Variants in STRN observed in about 807,000 individuals in gnomAD.
STRN encodes the protein protein phosphatase 2 regulatory subunit B'''alpha.
STRN carries 53 observed loss-of-function variants against 96.3 expected under a neutral mutation model. The ratio of observed to expected loss-of-function variants is 0.55; its 90% CI spans 0.44 to 0.69. STRN has a LOEUF of 0.69. Among genes scored for constraint, STRN ranks in the 30% least tolerant of loss-of-function variants. The pLI, the probability that STRN is intolerant of heterozygous loss-of-function variation, is 0.00. For missense variants in STRN, 987 were observed against 963.9 expected (o/e 1.02, Z -0.32); for synonymous variants, 428 against 355.9 (o/e 1.20, Z -2.28).
chr2:36,857,799 T>G (rs1376568587), intron 14 of STRN, 57 bp downstream of exon 14: 3 of 1,405,138 alleles, frequency 2.1e-6, no homozygotes, highest in Non-Finnish European at 2.9e-6. Flanking sequence ...GCTTGCTTAT[T>G]TTCAGAATAA....
intron 1 of STRN, 151 bp downstream of exon 1, chr2:36,966,079 A>C (rs1003061454): frequency 2.3e-6 from 2 of 866,052 alleles, no homozygotes; most frequent in Non-Finnish European, 3.2e-6. Flanking sequence ...CAAAAGGCGA[A>C]GAGAAGAAGG....
intron 1 of STRN, among the ~76,000 whole-genome samples, chr2:36,938,273 A>C (rs1285395440): frequency 1.3e-5 from 2 of 152,058 alleles, no homozygotes; most frequent in African/African-American, 4.8e-5. Context: ...TAAAAGCACA[A>C]AAATTAGCCA....
intron 5 of STRN, among the ~76,000 whole-genome samples, chr2:36,902,060 G>A (rs952387445): frequency 6.6e-6 from 1 of 152,056 alleles, no homozygotes; most frequent in Non-Finnish European, 1.5e-5. Flanking sequence ...GTAATTGTAT[G>A]ATACATAATC....
Position 36,840,963 on chromosome 2 carries a change from G to C in STRN, c.*8493C>G, listed in dbSNP as rs1177886782. Reference sequence around the variant, plus strand: ...GAAAATCACAGGAAAGAAAACTTTTGTGTATTTATTAGCAGAGGCAAGCTA... The same window carrying C: ...GAAAATCACAGGAAAGAAAACTTTTCTGTATTTATTAGCAGAGGCAAGCTA... On this transcript the variant is annotated 3_prime_UTR_variant, in exon 18 of 18. Transcript: ENST00000263918. 1 of 152,078 alleles carries C rather than the reference G, an allele frequency of 6.6e-6. No homozygotes were observed. Among genetic ancestry groups the C allele is most frequent in the Non-Finnish European group, 1.5e-5 (1 of 68,012 alleles). 9.4% of individuals were successfully genotyped at this position (152,078 alleles called of 1,614,324 possible).
chr2:36,897,492 G>C (rs1308363751), intron 6 of STRN, among the ~76,000 whole-genome samples: 22 of 151,478 alleles, frequency 1.5e-4, no homozygotes, highest in Middle Eastern at 6.9e-3. Flanking sequence ...CTGGAGTGCA[G>C]TGGCGCAATC....
At chr2:36,885,510 G>A (rs1489433650) in intron 8 of STRN, among the ~76,000 whole-genome samples, 1 of 152,072 alleles carries the variant, frequency 6.6e-6, no homozygotes, top group African/African-American at 2.4e-5. Context: ...ATGTGCTTAT[G>A]TTTTAATATT....
At chr2:36,877,676 T>C (rs927726713) in intron 10 of STRN, among the ~76,000 whole-genome samples, 12 of 152,154 alleles carry the variant, frequency 7.9e-5, no homozygotes, top group Admixed American at 3.9e-4. Context: ...GCTGGGATTA[T>C]AGGCACCTGC....
chr2:36,905,413 T>G, intron 4 of STRN, 127 bp downstream of exon 4: 1 of 790,988 alleles, frequency 1.3e-6, no homozygotes, highest in East Asian at 2.6e-5. Flanking sequence ...AGTAATTCAA[T>G]TAAGCTTTTT....
At chr2:36,894,539 C>T (rs1669488742) in intron 6 of STRN, among the ~76,000 whole-genome samples, 1 of 152,182 alleles carries the variant, frequency 6.6e-6, no homozygotes, top group African/African-American at 2.4e-5. Context: ...TGAATACATG[C>T]AGGGACAATT....
At chr2:36,933,336 T>C (rs748611376) in intron 1 of STRN, among the ~76,000 whole-genome samples, 5 of 152,132 alleles carry the variant, frequency 3.3e-5, no homozygotes, top group Non-Finnish European at 7.3e-5. Context: ...GCATCCACAG[T>C]TTTTTGTATT....
intron 6 of STRN, among the ~76,000 whole-genome samples, chr2:36,898,836 TCTTA>T (rs1558643571): frequency 1.3e-5 from 2 of 151,484 alleles, no homozygotes; most frequent in Non-Finnish European, 2.9e-5. Flanking sequence ...TGTCCTCATA[TCTTA>T]CTTTAAAAAG....
rs561000714 is a variant in STRN, at chr2:36,858,398, G to C, written c.1670-375C>G. On this transcript the variant is annotated intron_variant, in intron 13 of 17. Coordinates refer to ENST00000263918, the MANE Select transcript of STRN (RefSeq NM_003162.4). ...CACACTCCCTGAGGAAGTGAACAGA[G>C]AGGTCCTCTCCCTCTCTGAAGTCCC... is the stretch of plus-strand genomic sequence containing the variant. 9.2e-5 allele frequency among the ~76,000 whole-genome samples: 14 copies of C among 152,244 alleles called. No individual in the cohort carries two copies. The South Asian group carries it at 1.7e-3, about 18-fold the overall frequency.
rs1670575804 is a variant in STRN at position 36,931,621 on chromosome 2, A to G, written c.235-6413T>C. Among the ~76,000 whole-genome samples, 3 of 152,248 alleles carry G rather than the reference A, an allele frequency of 2.0e-5. No homozygotes were observed. The South Asian group carries it at 6.2e-4, about 31-fold the overall frequency. On this transcript the variant is annotated intron_variant, in intron 1 of 17. Transcript: ENST00000263918. ...GTAGTGACAAAACAAAACAGAGCTA[A>G]CAATCCAGTGAATGAAACATATGTT... is the stretch of plus-strand genomic sequence containing the variant.
At chr2:36,895,069 T>C (rs1299862391) in intron 6 of STRN, among the ~76,000 whole-genome samples, 1 of 152,154 alleles carries the variant, frequency 6.6e-6, no homozygotes, top group Admixed American at 6.5e-5. Context: ...GGCTCATGCC[T>C]GTAATCCCAG....
chr2:36,890,987 G>T (rs559554953), intron 7 of STRN, among the ~76,000 whole-genome samples: 1 of 152,258 alleles, frequency 6.6e-6, no homozygotes, highest in East Asian at 1.9e-4. Flanking sequence ...CTTGGGACTA[G>T]AAGTATTTCG....
intron 10 of STRN, among the ~76,000 whole-genome samples, chr2:36,875,048 A>C (rs1230578606): frequency 6.6e-6 from 1 of 152,244 alleles, no homozygotes; most frequent in Non-Finnish European, 1.5e-5. Context: ...AATGTGTAAC[A>C]AGAATGACAT....
At chr2:36,886,083 C>T (rs1385927559) in intron 8 of STRN, among the ~76,000 whole-genome samples, 1 of 151,880 alleles carries the variant, frequency 6.6e-6, no homozygotes, top group Non-Finnish European at 1.5e-5. Context: ...TAGAAATTTC[C>T]TTTTGGATTT....
chr2:36,915,258 T>G (rs1262611205), intron 3 of STRN, among the ~76,000 whole-genome samples: 4 of 121,476 alleles, frequency 3.3e-5, no homozygotes, highest in African/African-American at 1.5e-4. Flanking sequence ...TATATATATA[T>G]ATATATATAT....
intron 14 of STRN, among the ~76,000 whole-genome samples, chr2:36,855,967 T>G (rs1668334212): frequency 6.6e-6 from 1 of 152,160 alleles, no homozygotes; most frequent in Non-Finnish European, 1.5e-5. Context: ...ATCTGATTTT[T>G]TTCATTTGGC....
Sources: gnomAD v4.1 joint callset for allele counts (sites outside exome capture counted in the v4.1 genomes callset) on GRCh38, gnomAD v4.1.1 for gene constraint, MANE v1.5 for transcripts, NCBI Gene and HGNC (gene_info 2026-07-23, HGNC 2026-07-21) for gene names.